The following ZRANB3 variants were observed in gnomAD, a reference collection of about 807,000 sequenced individuals.
ZRANB3 encodes the protein zinc finger RANBP2-type containing 3.
In ZRANB3, 125 loss-of-function variants were observed where a neutral mutation model predicts 133.8. The observed-to-expected ratio is 0.93, with a 90% CI of 0.81 to 1.08. The LOEUF (loss-of-function observed/expected upper bound fraction) is 1.08. Ranked by LOEUF, ZRANB3 falls within the 50% of genes least tolerant of loss-of-function variation. ZRANB3 has a pLI of 0.00. For missense variants in ZRANB3, 1,229 were observed against 1,275.5 expected (o/e 0.96, Z 0.56); for synonymous variants, 387 against 432.7 (o/e 0.89, Z 1.31).
In ZRANB3 at chr2:135,470,063, G is replaced by A. The variant is rs139327421; in HGVS notation, c.161+34266C>T. Among the ~76,000 whole-genome samples the A allele has an allele frequency of 3.9e-4, 58 of 149,552 alleles. No individual in the cohort carries two copies. In the East Asian group the frequency reaches 0.011, roughly 29 times the overall value. ...TTCTAGGTTGGGCACGGTGATTCAC[G>A]CCTGTAATCCCAGCACTTTGGGAGA... On this transcript the variant is annotated intron_variant, in intron 2 of 20. Coordinates refer to ENST00000264159, the MANE Select transcript of ZRANB3 (RefSeq NM_032143.4).
rs1240044149 is a variant in ZRANB3, at chr2:135,345,481, A to G, written c.677+69T>C. ...GAGACTCTGTCTCAAAAAAAAAAAG[A>G]ATGATTAATAAAGCAATGTTCACAG... is the stretch of plus-strand genomic sequence containing the variant. On this transcript the variant is annotated intron_variant, in intron 6 of 20. Transcript: ENST00000264159. 55 of 1,127,494 alleles carry G rather than the reference A, an allele frequency of 4.9e-5. No individual in the cohort carries two copies. The East Asian group carries it at 1.3e-3, about 27-fold the overall frequency. The allele number at this position is 1,127,494 out of a possible 1,614,324, so 69.8% of individuals were successfully genotyped here. A position where few individuals can be genotyped will look rare whatever the true frequency, so the allele number is the denominator to read the frequency against.
Position 135,504,484 on chromosome 2 carries a change from A to G in ZRANB3, c.6T>C (p.Pro2=). The change falls in exon 2 of 21, where the codon CCT becomes CCC. Residue 2 remains proline, a synonymous_variant. Transcript: ENST00000264159. M[P]RVHNIKKSLT... ...GAGACTTTTTTATGTTATGAACCCT[A>G]GGCATGATGATCCTAAAAACAAAGA... 6.2e-7 allele frequency: 1 copy of G among 1,606,402 alleles called. No homozygotes were observed. The highest frequency in any genetic ancestry group is 8.5e-7 in the Non-Finnish European group (1 of 1,177,608).
intron 2 of ZRANB3, among the ~76,000 whole-genome samples, chr2:135,459,346 A>T (rs1334807858): frequency 1.3e-5 from 2 of 152,210 alleles, no homozygotes; most frequent in African/African-American, 4.8e-5. Flanking sequence ...ATTTTAATAC[A>T]CTTTCAGCTT....
intron 2 of ZRANB3, among the ~76,000 whole-genome samples, chr2:135,430,961 G>A (rs914025593): frequency 6.6e-6 from 1 of 151,848 alleles, no homozygotes. Flanking sequence ...TAGCAAAAAC[G>A]GTACAACTTG....
At chr2:135,391,886 T>G (rs1036233948) in intron 2 of ZRANB3, among the ~76,000 whole-genome samples, 52 of 152,292 alleles carry the variant, frequency 3.4e-4, no homozygotes, top group African/African-American at 1.2e-3. Flanking sequence ...GCCGCTGAGT[T>G]TTTATTTCTA....
intron 3 of ZRANB3, among the ~76,000 whole-genome samples, chr2:135,369,470 G>T (rs1686074152): frequency 6.6e-6 from 1 of 152,152 alleles, no homozygotes; most frequent in African/African-American, 2.4e-5. Context: ...CTGAACCACT[G>T]ATGAGTAAAA....
At chr2:135,279,474 T>C in intron 8 of ZRANB3, among the ~76,000 whole-genome samples, 1 of 152,218 alleles carries the variant, frequency 6.6e-6, no homozygotes. Context: ...TTTAATAAAG[T>C]GCATATTTGC....
chr2:135,399,060 T>C lies in ZRANB3; in HGVS notation c.162-8240A>G, dbSNP rs562835820. ...GCAAATGAACTACGCCTAGGTTAGA[T>C]GATGATTCTGGAGAAGATATGGGTT... is the stretch of plus-strand genomic sequence containing the variant. On this transcript the variant is annotated intron_variant, in intron 2 of 20. Transcript: ENST00000264159. 3.3e-5 allele frequency among the ~76,000 whole-genome samples: 5 copies of C among 152,322 alleles called. No individual in the cohort carries two copies. The South Asian group carries it at 1.0e-3, about 32-fold the overall frequency.
chr2:135,317,963 A>C (rs1368355925), intron 6 of ZRANB3, among the ~76,000 whole-genome samples: 1 of 152,040 alleles, frequency 6.6e-6, no homozygotes, highest in Non-Finnish European at 1.5e-5. Flanking sequence ...TGGGGTGCAA[A>C]GGGGAAATAA....
intron 9 of ZRANB3, among the ~76,000 whole-genome samples, chr2:135,272,922 T>A (rs1680602500): frequency 6.6e-6 from 1 of 151,966 alleles, no homozygotes; most frequent in Non-Finnish European, 1.5e-5. Flanking sequence ...GGTGTCTCAC[T>A]TCTGCAATCC....
intron 8 of ZRANB3, among the ~76,000 whole-genome samples, chr2:135,287,862 G>A (rs975409900): frequency 3.9e-5 from 6 of 151,908 alleles, no homozygotes; most frequent in Non-Finnish European, 2.9e-5. Context: ...CTGGGTATAC[G>A]ATCTTATCAT....
intron 6 of ZRANB3, among the ~76,000 whole-genome samples, chr2:135,328,156 G>C (rs1465180633): frequency 2.6e-5 from 4 of 151,840 alleles, no homozygotes; most frequent in Non-Finnish European, 1.5e-5. Context: ...ACGTTGGTTT[G>C]CTGCACCCAT....
At chr2:135,203,782 A>G (rs148264961) in intron 19 of ZRANB3, among the ~76,000 whole-genome samples, 176 of 152,298 alleles carry the variant, frequency 1.2e-3, no homozygotes, top group South Asian at 7.1e-3. Context: ...AAGTTATGTG[A>G]ACTGGAATGA....
Position 135,353,583 on chromosome 2 carries a change from A to G in ZRANB3, c.226T>C (p.Tyr76His). ...TIQAIGITYFYKEEWPLLIVV... is the reference protein window; with the variant it reads ...TIQAIGITYFHKEEWPLLIVV... ...ATTAACAGAGGCCATTCCTCTTTAT[A>G]GAAGTAAGTAATTCCAATTGCCTGG... Residue 76 changes from tyrosine to histidine, a missense_variant, in exon 4 of 21, where the codon TAT becomes CAT. By Grantham distance (83) the Tyr-to-His change is moderately conservative. Transcript: ENST00000264159. The G allele has an allele frequency of 6.3e-7, 1 of 1,599,748 alleles. No individual in the cohort carries two copies. The highest frequency in any genetic ancestry group is 8.5e-7 in the Non-Finnish European group (1 of 1,172,146).
Position 135,345,745 on chromosome 2 carries a change from T to C in ZRANB3, c.592-110A>G. 3 of 725,440 alleles carry C rather than the reference T, an allele frequency of 4.1e-6. No individual in the cohort carries two copies. The East Asian group carries it at 8.2e-5, about 20-fold the overall frequency. 44.9% of individuals were successfully genotyped at this position (725,440 alleles called of 1,614,324 possible). On this transcript the variant is annotated intron_variant, in intron 5 of 20. Transcript: ENST00000264159. ...TAGGAAGTATAAAAGAAAATCCAAC[T>C]GTTTATTCCTCAAATCCCCTCACTA... is the stretch of plus-strand genomic sequence containing the variant.
chr2:135,281,655 G>T (rs1003661388), intron 8 of ZRANB3, among the ~76,000 whole-genome samples: 5 of 152,174 alleles, frequency 3.3e-5, no homozygotes, highest in Non-Finnish European at 7.4e-5. Context: ...GAAGACAGAA[G>T]AACCTGGGTT....
chr2:135,430,917 T>C (rs921275898), intron 2 of ZRANB3, among the ~76,000 whole-genome samples: 4 of 151,944 alleles, frequency 2.6e-5, no homozygotes, highest in South Asian at 2.1e-4. Context: ...ATATACAAAC[T>C]TGAAGTAGAA....
chr2:135,335,786 A>G (rs921532192), intron 6 of ZRANB3, among the ~76,000 whole-genome samples: 1 of 152,200 alleles, frequency 6.6e-6, no homozygotes, highest in African/African-American at 2.4e-5. Context: ...CTTTTTGAAG[A>G]CAGCTGCTGG....
chr2:135,295,656 C>T (rs1047802730), intron 8 of ZRANB3, among the ~76,000 whole-genome samples: 2 of 152,166 alleles, frequency 1.3e-5, no homozygotes, highest in Admixed American at 6.6e-5. Context: ...TTAGTTGATG[C>T]AGTTTCTTCC....
Sources: allele counts gnomAD v4.1 joint callset (sites outside exome capture counted in the v4.1 genomes callset), GRCh38; gene constraint gnomAD v4.1.1; transcripts MANE v1.5; gene names NCBI Gene and HGNC (gene_info 2026-07-23, HGNC 2026-07-21).